Variants in B3GAT2 observed in about 807,000 individuals in gnomAD.
B3GAT2 encodes the protein beta-1,3-glucuronyltransferase 2.
B3GAT2 carries 26 observed loss-of-function variants against 27.8 expected under a neutral mutation model. That is an observed-to-expected ratio of 0.93 (90% CI 0.68 to 1.30). B3GAT2 has a LOEUF of 1.30. Ranked by LOEUF, B3GAT2 falls within the 50% of genes most tolerant of loss-of-function variation. B3GAT2 has a pLI of 0.00. For synonymous variants in B3GAT2, 218 were observed against 195.1 expected, an observed-to-expected ratio of 1.12 and a Z score of -0.98; for missense variants, 458 against 459.0, an observed-to-expected ratio of 1.00 and a Z score of 0.02.
At chr6:70,917,268 G>A (rs751085701) in intron 1 of B3GAT2, among the ~76,000 whole-genome samples, 12 of 151,942 alleles carry the variant, frequency 7.9e-5, no homozygotes, top group East Asian at 3.9e-4. Context: ...TTTTTATTGC[G>A]TCTATTTGAT....
Position 70,956,581 on chromosome 6 carries a change from C to T in B3GAT2, c.-152G>A. On this transcript the variant is annotated 5_prime_UTR_variant, in exon 1 of 4. Coordinates refer to ENST00000230053, the MANE Select transcript of B3GAT2 (RefSeq NM_080742.3). ...AGGGCGCTGCAGAGACCTGGAGCCG[C>T]GGGGCTCACTACCTGGGCGTGGAGG... is the stretch of plus-strand genomic sequence containing the variant. The T allele has an allele frequency of 6.9e-7, 1 of 1,453,934 alleles. No individual in the cohort carries two copies. The highest frequency in any genetic ancestry group is 9.0e-7 in the Non-Finnish European group (1 of 1,109,760). The allele number at this position is 1,453,934 out of a possible 1,614,324, so 90.1% of individuals were successfully genotyped here.
Position 70,859,652 on chromosome 6 carries a change from T to A in B3GAT2, c.*2011A>T. On this transcript the variant is annotated 3_prime_UTR_variant, in exon 4 of 4. Coordinates refer to ENST00000230053, the MANE Select transcript of B3GAT2 (RefSeq NM_080742.3). Reference sequence around the variant, plus strand: ...GGGTTAAGATGCTTATATATATATATATTTGACTCCAGTCTTGAAGAAAAA... The same window carrying A: ...GGGTTAAGATGCTTATATATATATAAATTTGACTCCAGTCTTGAAGAAAAA... The A allele has an allele frequency of 3.5e-6, 1 of 282,230 alleles. No individual in the cohort carries two copies. Among genetic ancestry groups the A allele is most frequent in the Non-Finnish European group, 6.5e-6 (1 of 153,062 alleles). The allele number at this position is 282,230 out of a possible 1,614,324, so 17.5% of individuals were successfully genotyped here.
rs1168885226 is a variant in B3GAT2, at chr6:70,894,181, A to G, written c.683T>C (p.Val228Ala). 7 of 1,613,642 alleles carry G rather than the reference A, an allele frequency of 4.3e-6. No homozygotes were observed. Among genetic ancestry groups the G allele is most frequent in the Non-Finnish European group, 5.9e-6 (7 of 1,179,742 alleles). ...TGCTCTCCAGCCGGTGTACCAGCCA[A>G]CAACTTTGCCGTTTTCCACCAGCGG... ...ERPLVENGKV[V>A]GWYTGWRADR... is the part of the protein sequence containing the mutation. Residue 228 changes from valine (V) to alanine (A), a missense_variant, in exon 2 of 4, where the codon GTT (valine) becomes GCT (alanine). Val to Ala is a moderately conservative substitution (Grantham distance 64). Transcript: ENST00000230053.
Position 70,858,247 on chromosome 6 carries a change from T to C in B3GAT2, c.*3416A>G. ...TCTCACAGGTAGGGGTCATTTACTT[T>C]CTAGCTTCTCCCAAATCAAACCAGA... On this transcript the variant is annotated 3_prime_UTR_variant, in exon 4 of 4. Transcript: ENST00000230053. 1.9e-6 allele frequency: 3 copies of C among 1,583,076 alleles called. No individual in the cohort carries two copies. The highest frequency in any genetic ancestry group is 2.6e-6 in the Non-Finnish European group (3 of 1,164,326).
At chr6:70,870,374 C>T (rs1771914165) in intron 2 of B3GAT2, among the ~76,000 whole-genome samples, 8 of 119,328 alleles carry the variant, frequency 6.7e-5, no homozygotes, top group South Asian at 5.6e-4. Flanking sequence ...GGGAACATCA[C>T]ACACCAGGGA....
At chr6:70,933,687 T>C (rs2347629) in intron 1 of B3GAT2, among the ~76,000 whole-genome samples, 74,430 of 152,072 alleles carry the variant, frequency 0.49, 18,854 homozygotes, top group East Asian at 0.7. Flanking sequence ...AACACGTCCA[T>C]ATATGGACCA....
chr6:70,906,819 C>A (rs186129940), intron 1 of B3GAT2, among the ~76,000 whole-genome samples: 3 of 152,254 alleles, frequency 2.0e-5, no homozygotes, highest in African/African-American at 7.2e-5. Flanking sequence ...ACATCTAATA[C>A]TGCTTGAAAA....
rs1771611774 is a variant in B3GAT2, at chr6:70,859,582, GCCTTT to G, written c.*2076_*2080del. On this transcript the variant is annotated 3_prime_UTR_variant, in exon 4 of 4. Transcript: ENST00000230053. The stretch of plus-strand genomic sequence containing the variant: ...ACCCACTCACTATATGGTAAATCTT[GCCTTT>G]CCTTCTCTTATCACCAATTTTGGAA... The G allele has an allele frequency of 6.9e-6, 3 of 436,040 alleles. No individual in the cohort carries two copies. Among genetic ancestry groups the G allele is most frequent in the African/African-American group, 6.1e-5 (3 of 49,498 alleles). The allele number at this position is 436,040 out of a possible 1,614,324, so 27.0% of individuals were successfully genotyped here.
chr6:70,950,372 G>A (rs534603772), intron 1 of B3GAT2, among the ~76,000 whole-genome samples: 3 of 151,788 alleles, frequency 2.0e-5, no homozygotes, highest in Admixed American at 2.0e-4. Context: ...AGAAAGCTAA[G>A]AGTTGACATA....
intron 1 of B3GAT2, among the ~76,000 whole-genome samples, chr6:70,920,011 A>G (rs1429110127): frequency 6.6e-6 from 1 of 152,180 alleles, no homozygotes; most frequent in Non-Finnish European, 1.5e-5. Context: ...CCCCCGAGGT[A>G]GAATCTACAG....
At chr6:70,864,439 C>T (rs1035166346) in intron 2 of B3GAT2, among the ~76,000 whole-genome samples, 2 of 152,172 alleles carry the variant, frequency 1.3e-5, no homozygotes, top group East Asian at 1.9e-4. Flanking sequence ...AGCAAGGTCT[C>T]CTTTCCTGGT....
intron 2 of B3GAT2, among the ~76,000 whole-genome samples, chr6:70,870,308 G>A (rs1338341534): frequency 2.7e-4 from 40 of 145,730 alleles, no homozygotes; most frequent in African/African-American, 9.7e-4. Context: ...ACCAAACACC[G>A]CATGTTCTCA....
chr6:70,921,111 T>C lies in B3GAT2; in HGVS notation c.592-26839A>G, dbSNP rs1322326156. ...TGATGCCTACATGTCTTGGGGATGG[T>C]TGTCTTGTATAGTATCTCACAGGGG... On this transcript the variant is annotated intron_variant, in intron 1 of 3. Coordinates refer to ENST00000230053, the MANE Select transcript of B3GAT2 (RefSeq NM_080742.3). Among the ~76,000 whole-genome samples the C allele has an allele frequency of 2.0e-5, 3 of 152,258 alleles. No individual in the cohort carries two copies. In the East Asian group the frequency reaches 5.8e-4, roughly 29 times the overall value.
chr6:70,882,126 G>A (rs1031043555), intron 2 of B3GAT2, among the ~76,000 whole-genome samples: 3 of 152,118 alleles, frequency 2.0e-5, no homozygotes, highest in African/African-American at 7.2e-5. Flanking sequence ...TAAAACTCTT[G>A]GAAGACAACG....
Position 70,859,309 on chromosome 6 carries a change from A to ATACTGGCTC in B3GAT2, c.*2345_*2353dup. Reference sequence around the variant, plus strand: ...TGCTAGATGAACCAGGAAGGAGTTAATACTGGCTCTTACTTCCAGATAATG... The same window carrying ATACTGGCTC: ...TGCTAGATGAACCAGGAAGGAGTTAATACTGGCTCTACTGGCTCTTACTTCCAGATAATG... On this transcript the variant is annotated 3_prime_UTR_variant, in exon 4 of 4. Transcript: ENST00000230053. 1 of 1,536,728 alleles carries ATACTGGCTC rather than the reference A, an allele frequency of 6.5e-7. No homozygotes were observed. The highest frequency in any genetic ancestry group is 8.8e-7 in the Non-Finnish European group (1 of 1,138,442).
intron 1 of B3GAT2, among the ~76,000 whole-genome samples, chr6:70,914,015 C>T (rs1049318329): frequency 4.6e-5 from 7 of 152,124 alleles, no homozygotes; most frequent in African/African-American, 1.4e-4. Context: ...ATAGTAACTC[C>T]TGTTTTCTTT....
At chr6:70,915,093 C>T (rs781097993) in intron 1 of B3GAT2, among the ~76,000 whole-genome samples, 1 of 152,174 alleles carries the variant, frequency 6.6e-6, no homozygotes, top group South Asian at 2.1e-4. Flanking sequence ...TTAATGATCG[C>T]CATTCTAACT....
intron 1 of B3GAT2, among the ~76,000 whole-genome samples, chr6:70,953,038 T>G (rs1365817416): frequency 6.6e-6 from 1 of 152,226 alleles, no homozygotes; most frequent in Non-Finnish European, 1.5e-5. Context: ...TCTTATCCAC[T>G]TTAACATCAA....
chr6:70,937,238 T>C (rs1306202361), intron 1 of B3GAT2, among the ~76,000 whole-genome samples: 2 of 151,620 alleles, frequency 1.3e-5, no homozygotes, highest in Non-Finnish European at 2.9e-5. Flanking sequence ...AATAACAGGC[T>C]CTGAAATTGT....
Sources: gnomAD v4.1 joint callset for allele counts (sites outside exome capture counted in the v4.1 genomes callset) on GRCh38, gnomAD v4.1.1 for gene constraint, MANE v1.5 for transcripts, NCBI Gene and HGNC (gene_info 2026-07-23, HGNC 2026-07-21) for gene names.